MT1X: variants seen among roughly 807,000 people sequenced by gnomAD.
The protein encoded by MT1X is metallothionein 1X, also known as metallothionein-1X.
Under a neutral mutation model 8.6 loss-of-function variants are expected in MT1X, and 7 were observed. The ratio of observed to expected loss-of-function variants is 0.81; its 90% CI spans 0.46 to 1.52. The LOEUF (loss-of-function observed/expected upper bound fraction) is 1.52. Ranked by LOEUF, MT1X falls within the 40% of genes most tolerant of loss-of-function variation. The pLI is 0.01. For synonymous variants in MT1X, 25 were observed against 27.6 expected (o/e 0.91, Z 0.30); for missense variants, 72 against 74.3 (o/e 0.97, Z 0.11).
At chr16:56,683,253 G>C in intron 2 of MT1X, 23 bp downstream of exon 2, 1 of 1,613,334 alleles carries the variant, frequency 6.2e-7, no homozygotes, top group Non-Finnish European at 8.5e-7. Flanking sequence ...CCTTCCCTGC[G>C]AATCTGGGGG....
intron 1 of MT1X, 29 bp from the exon 2 acceptor site, chr16:56,683,136 C>G (rs546115238): frequency 6.2e-7 from 1 of 1,613,246 alleles, no homozygotes; most frequent in Non-Finnish European, 8.5e-7. Flanking sequence ...TCTCACTCCA[C>G]GCTCACTGCC....
At chr16:56,683,891 C>T (rs1961031231) in intron 2 of MT1X, 67 bp from the exon 3 acceptor site, 1 of 1,605,490 alleles carries the variant, frequency 6.2e-7, no homozygotes, top group South Asian at 1.1e-5. Context: ...CGAGCCAGGC[C>T]TCTGTTGGGG....
In MT1X at chr16:56,684,194, C is replaced by T. The variant is rs1961038713; in HGVS notation, c.*145C>T. 1 of 1,019,724 alleles carries T rather than the reference C, an allele frequency of 9.8e-7. No individual in the cohort carries two copies. Among genetic ancestry groups the T allele is most frequent in the Admixed American group, 3.1e-5 (1 of 32,666 alleles). 63.2% of individuals were successfully genotyped at this position (1,019,724 alleles called of 1,614,324 possible). ...GTGAATGGCAATAAATTCATCTAGA[C>T]TATTCTGGCTCTGGGCACCTCATTT... is the stretch of plus-strand genomic sequence containing the variant. On this transcript the variant is annotated 3_prime_UTR_variant, in exon 3 of 3. Transcript: ENST00000394485.
intron 2 of MT1X, 189 bp from the exon 3 acceptor site, chr16:56,683,768 TG>T: frequency 1.3e-6 from 1 of 792,496 alleles, no homozygotes; most frequent in Non-Finnish European, 2.0e-6. Context: ...CAGACTCAGG[TG>T]GGGCTGGGCA....
In MT1X at chr16:56,682,927, C is replaced by T. The variant is rs535026358; in HGVS notation, c.29-238C>T. ...GAAGGTTCTGGCCTCCTGTCTTAGCCTTCCTGGGCTGTGTCTGGAGCCTGG... is the reference window on the plus strand; with the variant it reads ...GAAGGTTCTGGCCTCCTGTCTTAGCTTTCCTGGGCTGTGTCTGGAGCCTGG... On this transcript the variant is annotated intron_variant, in intron 1 of 2. Transcript: ENST00000394485. 8.9e-5 allele frequency: 54 copies of T among 606,422 alleles called. No individual in the cohort carries two copies. In the African/African-American group the frequency reaches 9.6e-4, roughly 11 times the overall value. The allele number at this position is 606,422 out of a possible 1,614,324, so 37.6% of individuals were successfully genotyped here.
chr16:56,682,741 C>A, intron 1 of MT1X, 173 bp downstream of exon 1: 1 of 803,820 alleles, frequency 1.2e-6, no homozygotes, highest in South Asian at 1.7e-5. Flanking sequence ...CTCCCTGTGC[C>A]TCTAAGTTAG....
intron 1 of MT1X, 177 bp downstream of exon 1, chr16:56,682,745 A>G (rs1477616448): frequency 1.4e-5 from 11 of 777,302 alleles, no homozygotes; most frequent in Non-Finnish European, 2.1e-6. Flanking sequence ...CTGTGCCTCT[A>G]AGTTAGAGTT....
rs1961014377 is a variant in MT1X, at chr16:56,682,568, G to C, written c.28G>C (p.Val10Leu). 6.2e-7 allele frequency: 1 copy of C among 1,614,080 alleles called. No homozygotes were observed. Among genetic ancestry groups the C allele is most frequent in the African/African-American group, 1.3e-5 (1 of 74,938 alleles). MDPNCSCSP[V>L]GSCACAGSCK... ...GGACCCCAACTGCTCCTGCTCGCCT[G>C]GTAAGGGACACCTAGCTCCGCGCCT... The change falls in exon 1 of 3, where the codon GTT becomes CTT. Residue 10 changes from valine (V) to leucine (L), a missense_variant and splice_region_variant. Coordinates refer to ENST00000394485, the MANE Select transcript of MT1X (RefSeq NM_005952.4).
rs146927912 is a variant in MT1X at position 56,684,094 on chromosome 16, T to C, written c.*45T>C. ...TCAGATGTAAATAGAGCAACCTATA[T>C]AAACCTGGATTTTTTTTTTTTTTTT... On this transcript the variant is annotated 3_prime_UTR_variant, in exon 3 of 3. Coordinates refer to ENST00000394485, the MANE Select transcript of MT1X (RefSeq NM_005952.4). 843 of 1,521,656 alleles carry C rather than the reference T, an allele frequency of 5.5e-4. 3 individuals are homozygous for C. In the African/African-American group the frequency reaches 8.4e-3, roughly 15 times the overall value. The allele number at this position is 1,521,656 out of a possible 1,614,324, so 94.3% of individuals were successfully genotyped here.
chr16:56,684,110 T>G lies in MT1X; in HGVS notation c.*61T>G. The G allele has an allele frequency of 6.4e-7, 1 of 1,551,770 alleles. No individual in the cohort carries two copies. The highest frequency in any genetic ancestry group is 8.7e-7 in the Non-Finnish European group (1 of 1,154,270). On this transcript the variant is annotated 3_prime_UTR_variant, in exon 3 of 3. Coordinates refer to ENST00000394485, the MANE Select transcript of MT1X (RefSeq NM_005952.4). The stretch of plus-strand genomic sequence containing the variant: ...CAACCTATATAAACCTGGATTTTTT[T>G]TTTTTTTTTTTTTGTACAACCCTGA...
At chr16:56,683,865 G>A in intron 2 of MT1X, 93 bp from the exon 3 acceptor site, 2 of 1,546,706 alleles carry the variant, frequency 1.3e-6, no homozygotes, top group Non-Finnish European at 1.8e-6. Flanking sequence ...GGTCCTCTGG[G>A]GCTGGAGGCA....
intron 1 of MT1X, 113 bp downstream of exon 1, chr16:56,682,681 A>G: frequency 4.6e-6 from 6 of 1,315,316 alleles, no homozygotes; most frequent in Non-Finnish European, 6.5e-6. Flanking sequence ...GGGCTCCTTT[A>G]TTTCGTTAGG....
intron 1 of MT1X, 52 bp from the exon 2 acceptor site, chr16:56,683,113 T>C: frequency 1.2e-6 from 2 of 1,606,852 alleles, no homozygotes; most frequent in East Asian, 4.5e-5. Flanking sequence ...GACCAGCTGC[T>C]GTACCTTCTG....
At chr16:56,683,119 T>G in intron 1 of MT1X, 46 bp from the exon 2 acceptor site, 1 of 1,610,170 alleles carries the variant, frequency 6.2e-7, no homozygotes, top group Non-Finnish European at 8.5e-7. Context: ...CTGCTGTACC[T>G]TCTGCATCTC....
chr16:56,682,631 C>A, intron 1 of MT1X, 63 bp downstream of exon 1: 1 of 1,598,280 alleles, frequency 6.3e-7, no homozygotes, highest in South Asian at 1.1e-5. Context: ...CAGACTCTTC[C>A]TGGGTTTGAA....
Position 56,682,501 on chromosome 16 carries a change from T to C in MT1X, c.-40T>C. 1 of 1,613,652 alleles carries C rather than the reference T, an allele frequency of 6.2e-7. No individual in the cohort carries two copies. The highest frequency in any genetic ancestry group is 8.5e-7 in the Non-Finnish European group (1 of 1,179,538). ...CTTTTCATCTGTCCCGCTGCGTGTT[T>C]TCCTCTTGATCGGGAACTCCTGCTT... On this transcript the variant is annotated 5_prime_UTR_variant, in exon 1 of 3. Transcript: ENST00000394485.
At chr16:56,682,847 A>T (rs974279756) in intron 1 of MT1X, 1 of 594,940 alleles carries the variant, frequency 1.7e-6, no homozygotes, top group Non-Finnish European at 3.0e-6. Flanking sequence ...CCAGGCTCTG[A>T]GCAGTCAGGG....
In MT1X at chr16:56,682,658, T is replaced by C; in HGVS notation, c.28+90T>C. ...GGGTTTGAAGAAGTCGCATTTAAAG[T>C]TCTGAGCTGAAGGGGCTCCTTTATT... On this transcript the variant is annotated intron_variant, in intron 1 of 2. Coordinates refer to ENST00000394485, the MANE Select transcript of MT1X (RefSeq NM_005952.4). 2 of 1,516,772 alleles carry C rather than the reference T, an allele frequency of 1.3e-6. 1 individual carries two copies. Among genetic ancestry groups the C allele is most frequent in the South Asian group, 2.3e-5 (2 of 87,724 alleles). The allele number at this position is 1,516,772 out of a possible 1,614,324, so 94.0% of individuals were successfully genotyped here. A position where few individuals can be genotyped will look rare whatever the true frequency, so the allele number is the denominator to read the frequency against.
In MT1X at chr16:56,683,185, G is replaced by A. The variant is rs765264425; in HGVS notation, c.49G>A (p.Gly17Ser). Residue 17 changes from glycine to serine, a missense_variant, in exon 2 of 3, where the codon GGC becomes AGC. Coordinates refer to ENST00000394485, the MANE Select transcript of MT1X (RefSeq NM_005952.4). ...CSPVGSCACAGSCKCKECKCT... is the reference protein window; with the variant it reads ...CSPVGSCACASSCKCKECKCT... ...TGCAGTTGGCTCCTGTGCCTGTGCC[G>A]GCTCCTGCAAATGCAAAGAGTGCAA... The A allele has an allele frequency of 7.4e-6, 12 of 1,613,958 alleles. No homozygotes were observed. Among genetic ancestry groups the A allele is most frequent in the Middle Eastern group, 3.3e-4 (2 of 6,054 alleles).
Sources: gnomAD v4.1 joint callset for allele counts on GRCh38, gnomAD v4.1.1 for gene constraint, MANE v1.5 for transcripts, NCBI Gene and HGNC (gene_info 2026-07-23, HGNC 2026-07-21) for gene names.